CPSF6: variants seen among roughly 807,000 people sequenced by gnomAD.
CPSF6 encodes the protein cleavage and polyadenylation specific factor 6.
Under a neutral mutation model 56.7 loss-of-function variants are expected in CPSF6, and 10 were observed. That is an observed-to-expected ratio of 0.18 (90% CI 0.11 to 0.30). The LOEUF is 0.30. Among genes scored for constraint, CPSF6 ranks in the 10% least tolerant of loss-of-function variants. The pLI is 1.00. For missense variants in CPSF6, 419 were observed against 722.9 expected, an observed-to-expected ratio of 0.58 and a Z score of 4.82; for synonymous variants, 248 against 244.8, an observed-to-expected ratio of 1.01 and a Z score of -0.12.
At chr12:69,252,200 A>G (rs1328407262) in intron 2 of CPSF6, 3 of 425,736 alleles carry the variant, frequency 7.0e-6, no homozygotes, top group East Asian at 7.4e-5. Context: ...TCAGCCTCCA[A>G]GTAGCTAGGA....
intron 2 of CPSF6, 76 bp from the exon 3 acceptor site, chr12:69,252,975 C>T: frequency 1.3e-6 from 1 of 789,416 alleles, no homozygotes; most frequent in Non-Finnish European, 2.0e-6. Flanking sequence ...CTCAAATTTC[C>T]CCTTAAAAAC....
chr12:69,261,704 A>C (rs1453393867), intron 8 of CPSF6, among the ~76,000 whole-genome samples: 5 of 152,250 alleles, frequency 3.3e-5, no homozygotes, highest in African/African-American at 1.2e-4. Context: ...CCTTACTGTG[A>C]ATTTAGCAGA....
chr12:69,266,570 G>A (rs1872993140), intron 9 of CPSF6, among the ~76,000 whole-genome samples: 1 of 152,112 alleles, frequency 6.6e-6, no homozygotes, highest in Non-Finnish European at 1.5e-5. Flanking sequence ...AGATTGTTTT[G>A]AGTAAATTCT....
Position 69,258,044 on chromosome 12 carries a change from T to C in CPSF6, c.694+139T>C. On this transcript the variant is annotated intron_variant, in intron 5 of 9. Transcript: ENST00000435070. This position sits in a 1 kb window ranked among gnomAD's most constrained non-coding sequence, Gnocchi z 4.2. ...TATTTTTGGAATCCAGGAAATTTGA[T>C]CAAGCATCTTGTTAAAGGAACTCGG... 1.9e-6 allele frequency: 3 copies of C among 1,540,450 alleles called. No individual in the cohort carries two copies. The highest frequency in any genetic ancestry group is 1.7e-6 in the Non-Finnish European group (2 of 1,145,992).
In CPSF6 at chr12:69,273,188, A is replaced by C. The variant is rs780378082; in HGVS notation, c.*3680A>C. 5.8e-6 allele frequency: 3 copies of C among 517,278 alleles called. No individual in the cohort carries two copies. Among genetic ancestry groups the C allele is most frequent in the Non-Finnish European group, 7.9e-6 (2 of 253,156 alleles). 32.0% of individuals were successfully genotyped at this position (517,278 alleles called of 1,614,324 possible). A position where few individuals can be genotyped will look rare whatever the true frequency, so the allele number is the denominator to read the frequency against. ...TCTTATACTCTTCTTTCTTGGCATT[A>C]GAAAGAAGCAATATGAATTTTTGTG... On this transcript the variant is annotated 3_prime_UTR_variant, in exon 10 of 10. Transcript: ENST00000435070.
chr12:69,261,657 C>T (rs2120595138), intron 8 of CPSF6, among the ~76,000 whole-genome samples: 1 of 151,856 alleles, frequency 6.6e-6, no homozygotes, highest in Middle Eastern at 3.4e-3. Context: ...TGCAGAAATA[C>T]AAGACATAAA....
In CPSF6 at chr12:69,253,036, G is replaced by T; in HGVS notation, c.271-15G>T. On this transcript the variant is annotated splice_polypyrimidine_tract_variant and intron_variant, in intron 2 of 9. Coordinates refer to ENST00000435070, the MANE Select transcript of CPSF6 (RefSeq NM_007007.3). ...TTTTATTTTAATGGTTAATGAGGGG[G>T]AAAATATCTTGCAGTGGACAACAGA... 1 of 1,429,254 alleles carries T rather than the reference G, an allele frequency of 7.0e-7. No individual in the cohort carries two copies. The highest frequency in any genetic ancestry group is 1.4e-5 in the South Asian group (1 of 74,068). The allele number at this position is 1,429,254 out of a possible 1,614,324, so 88.5% of individuals were successfully genotyped here.
chr12:69,244,564 A>T (rs965442595), intron 1 of CPSF6, among the ~76,000 whole-genome samples: 1 of 151,864 alleles, frequency 6.6e-6, no homozygotes, highest in African/African-American at 2.4e-5. Flanking sequence ...AACTTTTAAA[A>T]TTAATTTTAT....
At position 69,269,780 on chromosome 12, in the gene CPSF6, A is replaced by G; in HGVS notation, c.*272A>G. The stretch of plus-strand genomic sequence containing the variant: ...TGCAACTTTATTACTGGTTATATAC[A>G]TTTGGCCATTATGATGTGCAAGCAA... On this transcript the variant is annotated 3_prime_UTR_variant, in exon 10 of 10. Coordinates refer to ENST00000435070, the MANE Select transcript of CPSF6 (RefSeq NM_007007.3). The G allele has an allele frequency of 1.1e-5, 2 of 187,366 alleles. No homozygotes were observed. Among genetic ancestry groups the G allele is most frequent in the South Asian group, 1.7e-4 (2 of 11,706 alleles). The allele number at this position is 187,366 out of a possible 1,614,324, so 11.6% of individuals were successfully genotyped here. A position where few individuals can be genotyped will look rare whatever the true frequency, so the allele number is the denominator to read the frequency against.
intron 1 of CPSF6, among the ~76,000 whole-genome samples, chr12:69,240,538 G>A (rs1871559821): frequency 6.6e-6 from 1 of 152,140 alleles, no homozygotes; most frequent in Admixed American, 6.5e-5. Context: ...GAAGCGCGAT[G>A]GTTGGATGGA....
chr12:69,268,675 T>G (rs1469118881), intron 9 of CPSF6, among the ~76,000 whole-genome samples: 1 of 151,808 alleles, frequency 6.6e-6, no homozygotes, highest in Non-Finnish European at 1.5e-5. Flanking sequence ...GTTACTTATA[T>G]CCAAGTTAAT....
intron 1 of CPSF6, among the ~76,000 whole-genome samples, chr12:69,244,162 T>G (rs1189205136): frequency 1.3e-5 from 2 of 152,252 alleles, no homozygotes; most frequent in African/African-American, 2.4e-5. Context: ...AATAACAGTT[T>G]AAAATACAAA....
chr12:69,256,586 GC>G, intron 3 of CPSF6, 110 bp from the exon 4 acceptor site: 4 of 1,072,432 alleles, frequency 3.7e-6, no homozygotes, highest in Non-Finnish European at 5.3e-6. Context: ...GAGCCACTGT[GC>G]CCAGCTGTTG....
At chr12:69,255,430 C>G (rs1872460391) in intron 3 of CPSF6, among the ~76,000 whole-genome samples, 1 of 152,158 alleles carries the variant, frequency 6.6e-6, no homozygotes, top group Non-Finnish European at 1.5e-5. Context: ...TATAGTAACT[C>G]TATGTTTAAA....
chr12:69,252,642 A>C (rs1872307806), intron 2 of CPSF6, among the ~76,000 whole-genome samples: 1 of 152,242 alleles, frequency 6.6e-6, no homozygotes, highest in Non-Finnish European at 1.5e-5. Context: ...TATGGTAGAT[A>C]TTAAATACAT....
Position 69,258,849 on chromosome 12 carries a change from A to T in CPSF6, c.954A>T (p.Pro318=). Residue 318 remains proline (P), a synonymous_variant, in exon 6 of 10, where the codon CCA becomes CCT. Coordinates refer to ENST00000435070, the MANE Select transcript of CPSF6 (RefSeq NM_007007.3). The surrounding 1 kb of genome is among the most constrained non-coding windows in gnomAD (Gnocchi z 4.2). ...CACCTCCACAACAGGGACCACCTCC[A>T]CCTCCAGGCCCCTTTCCACCTCGTC... The part of the protein sequence containing the change: ...GPPPPQQGPP[P]PPGPFPPRPP... The T allele has an allele frequency of 6.2e-7, 1 of 1,612,768 alleles. No individual in the cohort carries two copies. Among genetic ancestry groups the T allele is most frequent in the South Asian group, 1.1e-5 (1 of 90,992 alleles).
intron 7 of CPSF6, 29 bp downstream of exon 7, chr12:69,259,572 T>C (rs1872658388): frequency 6.4e-7 from 1 of 1,566,348 alleles, no homozygotes; most frequent in South Asian, 1.2e-5. Context: ...TTAATATTTC[T>C]TATTTATGTT....
At chr12:69,261,664 T>G (rs147491902) in intron 8 of CPSF6, among the ~76,000 whole-genome samples, 2,073 of 152,160 alleles carry the variant, frequency 0.014, 22 homozygotes, top group Middle Eastern at 0.051. Flanking sequence ...ATACAAGACA[T>G]AAATATTATT....
At chr12:69,259,165 G>A in intron 6 of CPSF6, 71 bp downstream of exon 6, 1 of 1,468,640 alleles carries the variant, frequency 6.8e-7, no homozygotes, top group Non-Finnish European at 9.1e-7. Flanking sequence ...ATATTAGATT[G>A]TAGGTATATA....
Sources: allele counts gnomAD v4.1 joint callset (sites outside exome capture counted in the v4.1 genomes callset), GRCh38; gene constraint gnomAD v4.1.1; non-coding constraint Gnocchi (gnomAD v3.1); transcripts MANE v1.5; gene names NCBI Gene and HGNC (gene_info 2026-07-23, HGNC 2026-07-21).